The following PDLIM5 variants were observed in gnomAD, a reference collection of about 807,000 sequenced individuals.
The protein encoded by PDLIM5 is PDZ and LIM domain protein 5.
Under a neutral mutation model 64.2 loss-of-function variants are expected in PDLIM5, and 34 were observed. The observed-to-expected ratio is 0.53, with a 90% confidence interval of 0.40 to 0.71. The LOEUF (loss-of-function observed/expected upper bound fraction) is 0.71. Ranked by LOEUF, PDLIM5 falls within the 30% of genes least tolerant of loss-of-function variation. The pLI, the probability that PDLIM5 is intolerant of heterozygous loss-of-function variation, is 0.00. For synonymous variants in PDLIM5, 253 were observed against 269.1 expected, an observed-to-expected ratio of 0.94 and a Z score of 0.59; for missense variants, 683 against 733.6, an observed-to-expected ratio of 0.93 and a Z score of 0.80.
At chr4:94,634,557 G>A (rs1039785340) in intron 8 of PDLIM5, among the ~76,000 whole-genome samples, 6 of 152,052 alleles carry the variant, frequency 3.9e-5, no homozygotes, top group Non-Finnish European at 5.9e-5. Context: ...TATTTTTTTC[G>A]CATAGTGTAT....
chr4:94,555,089 G>T (rs111322874), intron 3 of PDLIM5, among the ~76,000 whole-genome samples: 1 of 152,002 alleles, frequency 6.6e-6, no homozygotes. Context: ...GTCTCACTCT[G>T]TTGCCCCAGC....
intron 5 of PDLIM5, chr4:94,585,000 A>C: frequency 6.6e-7 from 1 of 1,511,942 alleles, no homozygotes; most frequent in South Asian, 1.2e-5. Context: ...ATCCCACCTA[A>C]ACGGTAATCT....
At chr4:94,495,852 A>T (rs1727344105) in intron 2 of PDLIM5, among the ~76,000 whole-genome samples, 1 of 152,230 alleles carries the variant, frequency 6.6e-6, no homozygotes, top group African/African-American at 2.4e-5. Context: ...GATGACAGTC[A>T]GTTTGAAAGA....
chr4:94,624,469 G>T (rs138834061), intron 8 of PDLIM5, among the ~76,000 whole-genome samples: 1 of 152,162 alleles, frequency 6.6e-6, no homozygotes, highest in African/African-American at 2.4e-5. Flanking sequence ...TCAAAAAGGT[G>T]CAAAGAAGAG....
chr4:94,578,203 A>G (rs1268270929), intron 5 of PDLIM5, among the ~76,000 whole-genome samples: 1 of 152,174 alleles, frequency 6.6e-6, no homozygotes, highest in Non-Finnish European at 1.5e-5. Flanking sequence ...AAAACATCTG[A>G]AAATACCAAG....
chr4:94,521,097 T>C (rs1018050867), intron 2 of PDLIM5, among the ~76,000 whole-genome samples: 1 of 152,192 alleles, frequency 6.6e-6, no homozygotes, highest in Admixed American at 6.5e-5. Context: ...GGAGCTTGTT[T>C]TGAAGCTGGA....
intron 7 of PDLIM5, chr4:94,588,043 A>G: frequency 2.2e-6 from 2 of 911,614 alleles, no homozygotes; most frequent in Non-Finnish European, 2.6e-6. Context: ...CTTGTAATAT[A>G]GTGTATTATA....
intron 2 of PDLIM5, among the ~76,000 whole-genome samples, chr4:94,500,120 G>T (rs987424080): frequency 3.9e-5 from 6 of 152,140 alleles, no homozygotes; most frequent in African/African-American, 1.4e-4. Flanking sequence ...TATATTTTAA[G>T]AACTGTATGT....
At chr4:94,620,252 C>G (rs1242744956) in intron 8 of PDLIM5, among the ~76,000 whole-genome samples, 1 of 152,210 alleles carries the variant, frequency 6.6e-6, no homozygotes, top group Non-Finnish European at 1.5e-5. Flanking sequence ...CAAGGGGCCA[C>G]TTTTCACAAT....
At chr4:94,456,908 A>G (rs1388602742) in intron 2 of PDLIM5, 6 of 1,027,138 alleles carry the variant, frequency 5.8e-6, no homozygotes, top group Non-Finnish European at 5.8e-6. Flanking sequence ...ATTGTATATA[A>G]CTGTGCTGTG....
At chr4:94,620,296 C>G (rs887781334) in intron 8 of PDLIM5, among the ~76,000 whole-genome samples, 34 of 152,224 alleles carry the variant, frequency 2.2e-4, no homozygotes, top group African/African-American at 8.2e-4. Flanking sequence ...TAGCTGAGTG[C>G]GGTGGCTCCT....
At chr4:94,640,240 T>C in intron 8 of PDLIM5, 36 bp from the exon 9 acceptor site, 2 of 1,219,276 alleles carry the variant, frequency 1.6e-6, no homozygotes, top group Non-Finnish European at 2.4e-6. Context: ...TATATGTGGC[T>C]TATTCTCATT....
intron 7 of PDLIM5, among the ~76,000 whole-genome samples, chr4:94,595,011 A>G (rs183414072): frequency 6.6e-6 from 1 of 152,242 alleles, no homozygotes; most frequent in East Asian, 1.9e-4. Flanking sequence ...GGAAACTTAC[A>G]ATCATGGTGG....
intron 9 of PDLIM5, among the ~76,000 whole-genome samples, chr4:94,653,653 T>C (rs1159781442): frequency 6.6e-6 from 1 of 152,090 alleles, no homozygotes; most frequent in African/African-American, 2.4e-5. Flanking sequence ...GGTATAAAAT[T>C]TCAGTTATAC....
In PDLIM5 at chr4:94,665,517, G is replaced by C; in HGVS notation, c.*1450G>C. The C allele has an allele frequency of 1.4e-6, 1 of 696,786 alleles. No individual in the cohort carries two copies. Among genetic ancestry groups the C allele is most frequent in the Non-Finnish European group, 1.7e-6 (1 of 584,410 alleles). 43.2% of individuals were successfully genotyped at this position (696,786 alleles called of 1,614,324 possible). A position where few individuals can be genotyped will look rare whatever the true frequency, so the allele number is the denominator to read the frequency against. ...AAAAAAAAAAAAAAAGAGAGAGAGA[G>C]AATAAATAGAAAAGAATGTGGCTGG... is the stretch of plus-strand genomic sequence containing the variant. On this transcript the variant is annotated 3_prime_UTR_variant, in exon 13 of 13. Transcript: ENST00000317968.
chr4:94,460,000 C>A (rs1723733613), intron 2 of PDLIM5, among the ~76,000 whole-genome samples: 1 of 152,162 alleles, frequency 6.6e-6, no homozygotes, highest in Admixed American at 6.5e-5. Flanking sequence ...AGAGAGCCAT[C>A]CTACCTTGAA....
At chr4:94,643,287 T>A (rs778400512) in intron 9 of PDLIM5, among the ~76,000 whole-genome samples, 3 of 152,218 alleles carry the variant, frequency 2.0e-5, no homozygotes, top group Non-Finnish European at 4.4e-5. Flanking sequence ...TAGCTACGAA[T>A]GAATAGGAAG....
intron 7 of PDLIM5, among the ~76,000 whole-genome samples, chr4:94,610,797 A>G (rs761634075): frequency 6.6e-6 from 1 of 152,162 alleles, no homozygotes; most frequent in Non-Finnish European, 1.5e-5. Context: ...TAGTCTTTAG[A>G]GCTTCAAATG....
Position 94,654,538 on chromosome 4 carries a change from C to T in PDLIM5, c.1362C>T (p.Ala454=). 1.2e-6 allele frequency: 2 copies of T among 1,610,078 alleles called. No individual in the cohort carries two copies. Among genetic ancestry groups the T allele is most frequent in the South Asian group, 1.1e-5 (1 of 91,004 alleles). ...FNCAHCKNTM[A]YIGFVEEKGA... ...GCGCTCACTGCAAAAATACAATGGC[C>T]TACATTGGATTTGTAGAGGAGAAAG... The change falls in exon 10 of 13, where the codon GCC becomes GCT. Residue 454 remains alanine, a synonymous_variant. Coordinates refer to ENST00000317968, the MANE Select transcript of PDLIM5 (RefSeq NM_006457.5).
Sources: allele counts gnomAD v4.1 joint callset (sites outside exome capture counted in the v4.1 genomes callset), GRCh38; gene constraint gnomAD v4.1.1; transcripts MANE v1.5; gene names NCBI Gene and HGNC (gene_info 2026-07-23, HGNC 2026-07-21).